Variants in ADK observed in about 807,000 individuals in gnomAD.
ADK encodes the protein adenosine kinase.
Under a neutral mutation model 44.7 loss-of-function variants are expected in ADK, and 24 were observed. The observed-to-expected ratio is 0.54, with a 90% CI of 0.39 to 0.76. The LOEUF is 0.76. ADK is among the 30% of genes least tolerant of loss of function. The pLI, the probability that ADK is intolerant of heterozygous loss-of-function variation, is 0.00. For synonymous variants in ADK, 128 were observed against 142.6 expected, an observed-to-expected ratio of 0.90 and a Z score of 0.73; for missense variants, 321 against 425.1, an observed-to-expected ratio of 0.76 and a Z score of 2.15.
At chr10:74,550,650 A>G (rs1850002371) in intron 7 of ADK, among the ~76,000 whole-genome samples, 1 of 152,212 alleles carries the variant, frequency 6.6e-6, no homozygotes, top group Non-Finnish European at 1.5e-5. Flanking sequence ...GGGGCATAGT[A>G]AATGTGGGTT....
chr10:74,440,265 G>A lies in ADK; in HGVS notation c.555+41686G>A, dbSNP rs184426898. Among the ~76,000 whole-genome samples, 118 of 152,100 alleles carry A rather than the reference G, an allele frequency of 7.8e-4. 2 individuals are homozygous for A. Among genetic ancestry groups the A allele is most frequent in the Non-Finnish European group, 1.4e-3 (94 of 67,942 alleles). On this transcript the variant is annotated intron_variant, in intron 6 of 10. Coordinates refer to ENST00000539909, the MANE Select transcript of ADK (RefSeq NM_006721.4). ...TTTAGTTCTCTCAGTAGCCTTCTGA[G>A]TTAAATTCTGTTATCCATTTGAAAA...
chr10:74,568,364 T>C (rs1850774411), intron 7 of ADK, among the ~76,000 whole-genome samples: 1 of 152,206 alleles, frequency 6.6e-6, no homozygotes, highest in African/African-American at 2.4e-5. Context: ...AGCATCAATG[T>C]TGAGAACTTT....
chr10:74,232,243 G>A (rs545683429), intron 3 of ADK, among the ~76,000 whole-genome samples: 1 of 152,148 alleles, frequency 6.6e-6, no homozygotes, highest in African/African-American at 2.4e-5. Context: ...AATTGGCCGA[G>A]TGTGGTAGCT....
At chr10:74,202,410 GCTT>G (rs1177868239) in intron 2 of ADK, among the ~76,000 whole-genome samples, 1 of 152,116 alleles carries the variant, frequency 6.6e-6, no homozygotes, top group Non-Finnish European at 1.5e-5. Flanking sequence ...TAGGAACAAT[GCTT>G]CTTATGAATA....
At chr10:74,492,844 T>G (rs1275178417) in intron 6 of ADK, among the ~76,000 whole-genome samples, 1 of 152,174 alleles carries the variant, frequency 6.6e-6, no homozygotes, top group Non-Finnish European at 1.5e-5. Context: ...GATGTTACCC[T>G]TTGATCATAA....
At chr10:74,191,233 C>G (rs2132118697) in intron 1 of ADK, among the ~76,000 whole-genome samples, 1 of 152,018 alleles carries the variant, frequency 6.6e-6, no homozygotes, top group South Asian at 2.1e-4. Context: ...CCCGCCTTGG[C>G]CTTCCAAAGT....
At chr10:74,359,904 T>A (rs1343941699) in intron 4 of ADK, among the ~76,000 whole-genome samples, 2 of 152,134 alleles carry the variant, frequency 1.3e-5, no homozygotes, top group Non-Finnish European at 2.9e-5. Flanking sequence ...TTGTAGCTAT[T>A]GTAAATGGTT....
chr10:74,275,202 C>G (rs1038567683), intron 3 of ADK, among the ~76,000 whole-genome samples: 9 of 152,008 alleles, frequency 5.9e-5, no homozygotes, highest in African/African-American at 2.2e-4. Context: ...CTTTCCTGAT[C>G]ATTTGATGAG....
intron 7 of ADK, among the ~76,000 whole-genome samples, chr10:74,579,173 G>T (rs1851295278): frequency 6.6e-6 from 1 of 151,726 alleles, no homozygotes. Context: ...GGCAGAGGTT[G>T]CAGTGAGCTG....
At chr10:74,608,621 A>G (rs1454968223) in intron 9 of ADK, among the ~76,000 whole-genome samples, 2 of 151,970 alleles carry the variant, frequency 1.3e-5, no homozygotes, top group Non-Finnish European at 2.9e-5. Flanking sequence ...CCAGAGGGGC[A>G]CCCGCCAGAT....
intron 4 of ADK, among the ~76,000 whole-genome samples, chr10:74,338,122 AC>A (rs1476535968): frequency 6.6e-6 from 1 of 151,750 alleles, no homozygotes; most frequent in Non-Finnish European, 1.5e-5. Context: ...GATAACAACA[AC>A]AACAACAACA....
intron 4 of ADK, among the ~76,000 whole-genome samples, chr10:74,358,467 G>A (rs1236094079): frequency 6.6e-6 from 1 of 152,130 alleles, no homozygotes; most frequent in Non-Finnish European, 1.5e-5. Flanking sequence ...TATGTGTGAA[G>A]AAGTTTGTGA....
At chr10:74,230,303 C>T (rs1396539658) in intron 3 of ADK, among the ~76,000 whole-genome samples, 1 of 151,340 alleles carries the variant, frequency 6.6e-6, no homozygotes, top group African/African-American at 2.4e-5. Flanking sequence ...AGAAATGAAC[C>T]CTTGAACCAA....
At chr10:74,180,363 G>A (rs909138432) in intron 1 of ADK, among the ~76,000 whole-genome samples, 8 of 144,162 alleles carry the variant, frequency 5.5e-5, no homozygotes, top group Admixed American at 2.1e-4. Context: ...TCAGCCTCCC[G>A]AGTAGCTGGG....
chr10:74,524,378 T>C (rs1848957690), intron 6 of ADK, among the ~76,000 whole-genome samples: 1 of 151,960 alleles, frequency 6.6e-6, no homozygotes. Flanking sequence ...TTTCTTAAGG[T>C]AACAAGTTAT....
intron 7 of ADK, among the ~76,000 whole-genome samples, chr10:74,569,225 C>T (rs558425597): frequency 2.0e-5 from 3 of 151,798 alleles, no homozygotes; most frequent in Non-Finnish European, 2.9e-5. Context: ...TGAATAGTGC[C>T]GCAATAAACA....
intron 10 of ADK, among the ~76,000 whole-genome samples, chr10:74,707,429 A>G (rs1407887122): frequency 6.6e-6 from 1 of 152,104 alleles, no homozygotes; most frequent in African/African-American, 2.4e-5. Flanking sequence ...TTTTTAGTAG[A>G]GACGGTGTTT....
At chr10:74,204,508 T>C (rs1289571623) in intron 2 of ADK, among the ~76,000 whole-genome samples, 2 of 152,102 alleles carry the variant, frequency 1.3e-5, no homozygotes, top group Admixed American at 1.3e-4. Flanking sequence ...TGTCAAAGGG[T>C]AAGGCAAGAA....
At chr10:74,672,511 G>A (rs961885257) in intron 10 of ADK, among the ~76,000 whole-genome samples, 1 of 152,200 alleles carries the variant, frequency 6.6e-6, no homozygotes, top group Admixed American at 6.5e-5. Context: ...AAAGTAGAAA[G>A]CAGGTAGAAA....
Sources: allele counts gnomAD v4.1 joint callset (sites outside exome capture counted in the v4.1 genomes callset), GRCh38; gene constraint gnomAD v4.1.1; transcripts MANE v1.5; gene names NCBI Gene and HGNC (gene_info 2026-07-23, HGNC 2026-07-21).